Variants in SYN3 observed in about 807,000 individuals in gnomAD.
SYN3 encodes synapsin III.
A neutral mutation model predicts 65.8 loss-of-function variants in SYN3; 35 were observed. The observed-to-expected ratio is 0.53, with a 90% CI of 0.41 to 0.70. SYN3 has a LOEUF of 0.70. Ranked by LOEUF, SYN3 falls within the 30% of genes least tolerant of loss-of-function variation. SYN3 has a pLI of 0.00. For missense variants in SYN3, 680 were observed against 749.0 expected (o/e 0.91, Z 1.08); for synonymous variants, 270 against 292.9 (o/e 0.92, Z 0.80).
intron 1 of SYN3, among the ~76,000 whole-genome samples, chr22:33,051,496 T>C (rs1006569421): frequency 1.3e-5 from 2 of 152,228 alleles, no homozygotes; most frequent in East Asian, 1.9e-4. Context: ...CATGCCTACA[T>C]TGGGACCCTT....
chr22:32,526,260 T>G (rs927925813), intron 12 of SYN3, among the ~76,000 whole-genome samples: 3 of 152,200 alleles, frequency 2.0e-5, no homozygotes, highest in African/African-American at 7.2e-5. Context: ...CTCTGAGGTA[T>G]GTCTGTACAC....
chr22:32,569,273 A>G (rs201251179), intron 7 of SYN3, among the ~76,000 whole-genome samples: 34 of 149,326 alleles, frequency 2.3e-4, no homozygotes, highest in Non-Finnish European at 4.3e-4. Flanking sequence ...CTATCTATCT[A>G]TCTATCTATC....
intron 6 of SYN3, among the ~76,000 whole-genome samples, chr22:32,734,197 C>T (rs956803927): frequency 6.6e-6 from 1 of 152,218 alleles, no homozygotes; most frequent in South Asian, 2.1e-4. Context: ...TGGGAGCAAT[C>T]GGAAAACTTC....
intron 6 of SYN3, among the ~76,000 whole-genome samples, chr22:32,739,757 T>C (rs1247981844): frequency 6.6e-6 from 1 of 152,246 alleles, no homozygotes; most frequent in South Asian, 2.1e-4. Context: ...AGTTAGTTCC[T>C]GAACCATGTC....
rs568652393 is a variant in SYN3 at position 32,605,989 on chromosome 22, A to G, written c.712-9253T>C. 4.7e-4 allele frequency among the ~76,000 whole-genome samples: 72 copies of G among 152,334 alleles called. 1 individual carries two copies. The South Asian group carries it at 0.014, about 31-fold the overall frequency. ...CAGATTGATGGGAGGAATGGACATT[A>G]TAATAGATTTTGGTCACTGAGGAGT... On this transcript the variant is annotated intron_variant, in intron 6 of 13. Transcript: ENST00000358763.
rs1304275389 is a variant in SYN3 at position 32,509,377 on chromosome 22, T to C, written c.*4315A>G. 6.6e-6 allele frequency among the ~76,000 whole-genome samples: 1 copy of C among 152,156 alleles called. No individual in the cohort carries two copies. Among genetic ancestry groups the C allele is most frequent in the Non-Finnish European group, 1.5e-5 (1 of 68,030 alleles). ...AACAAACATAACATTTTAGAGTCTA[T>C]ACAGCATGACTCCCCTCTCCCTCCT... On this transcript the variant is annotated 3_prime_UTR_variant, in exon 14 of 14. Transcript: ENST00000358763.
intron 6 of SYN3, chr22:32,860,101 G>C (rs868693433): frequency 6.6e-6 from 1 of 152,262 alleles, no homozygotes; most frequent in African/African-American, 2.4e-5. Flanking sequence ...AGCTTTCTTA[G>C]TTGGTGAAGA....
chr22:32,548,240 G>A (rs2058362160), intron 7 of SYN3, among the ~76,000 whole-genome samples: 1 of 152,170 alleles, frequency 6.6e-6, no homozygotes, highest in South Asian at 2.1e-4. Context: ...TTCCGAGCCT[G>A]CATGGGGTTT....
chr22:32,611,284 GTTTTTTTTT>G (rs1201383074), intron 6 of SYN3, among the ~76,000 whole-genome samples: 4,974 of 94,682 alleles, frequency 0.053, 130 homozygotes, highest in African/African-American at 0.099. Context: ...TTTTTTTTTT[GTTTTTTTTT>G]TTTTTTTTTT....
intron 6 of SYN3, among the ~76,000 whole-genome samples, chr22:32,741,639 G>A (rs563447047): frequency 5.1e-4 from 77 of 152,184 alleles, no homozygotes; most frequent in African/African-American, 1.8e-3. Context: ...ACATGCGTGA[G>A]CCATCGTGCT....
intron 6 of SYN3, among the ~76,000 whole-genome samples, chr22:32,720,899 C>A (rs972022188): frequency 6.6e-6 from 1 of 152,174 alleles, no homozygotes; most frequent in African/African-American, 2.4e-5. Flanking sequence ...TTGCCTCTAC[C>A]CCCACCTCTC....
intron 6 of SYN3, among the ~76,000 whole-genome samples, chr22:32,780,488 T>C (rs1042544857): frequency 6.6e-6 from 1 of 152,158 alleles, no homozygotes; most frequent in Non-Finnish European, 1.5e-5. Flanking sequence ...ACCTGTGTTA[T>C]CAGAGAATCT....
At chr22:33,019,478 T>A (rs146648205) in intron 1 of SYN3, among the ~76,000 whole-genome samples, 1,738 of 152,244 alleles carry the variant, frequency 0.011, 13 homozygotes, top group Middle Eastern at 0.038. Flanking sequence ...CCTCCGTGCC[T>A]CAGTTTCCTC....
At chr22:32,897,932 A>G (rs1012915331) in intron 4 of SYN3, among the ~76,000 whole-genome samples, 2 of 151,696 alleles carry the variant, frequency 1.3e-5, no homozygotes, top group Non-Finnish European at 2.9e-5. Flanking sequence ...TGATCCTCCC[A>G]CCTCAGCCTC....
At chr22:32,642,888 C>CA (rs1319998955) in intron 6 of SYN3, among the ~76,000 whole-genome samples, 3 of 151,596 alleles carry the variant, frequency 2.0e-5, no homozygotes, top group Non-Finnish European at 2.9e-5. Context: ...GGCCCCCTAT[C>CA]AAAAAAAGGT....
At chr22:32,633,147 C>T (rs1162878858) in intron 6 of SYN3, among the ~76,000 whole-genome samples, 1 of 152,212 alleles carries the variant, frequency 6.6e-6, no homozygotes, top group Non-Finnish European at 1.5e-5. Flanking sequence ...AGGGATTTGA[C>T]GTCATGTACG....
intron 1 of SYN3, among the ~76,000 whole-genome samples, chr22:33,048,674 C>A (rs575242442): frequency 6.6e-6 from 1 of 152,312 alleles, no homozygotes; most frequent in South Asian, 2.1e-4. Context: ...TGAGGCCTCA[C>A]CAGAAGCTGA....
chr22:32,682,763 T>C (rs113917278), intron 6 of SYN3, among the ~76,000 whole-genome samples: 2 of 152,176 alleles, frequency 1.3e-5, no homozygotes, highest in Non-Finnish European at 2.9e-5. Flanking sequence ...ATGTTATTTT[T>C]CACCAATAGG....
rs183607511 is a variant in SYN3, at chr22:32,640,795, A to T, written c.712-44059T>A. 3.8e-3 allele frequency among the ~76,000 whole-genome samples: 580 copies of T among 152,220 alleles called. 11 individuals are homozygous for T. The highest frequency in any genetic ancestry group is 0.032 in the Admixed American group (494 of 15,284). ...GGTGAGAGAATGGCGTGAACCTGGG[A>T]GGCAGAGATTGCAGTGAGCGGAGAT... On this transcript the variant is annotated intron_variant, in intron 6 of 13. Transcript: ENST00000358763.
Sources: gnomAD v4.1 joint callset for allele counts (sites outside exome capture counted in the v4.1 genomes callset) on GRCh38, gnomAD v4.1.1 for gene constraint, MANE v1.5 for transcripts, NCBI Gene and HGNC (gene_info 2026-07-23, HGNC 2026-07-21) for gene names.